The following SERPINB11 variants were observed in gnomAD, a reference collection of about 807,000 sequenced individuals.
SERPINB11 encodes the protein serpin B11.
In SERPINB11, 32 loss-of-function variants were observed where a neutral mutation model predicts 36.7. The observed-to-expected ratio is 0.87, with a 90% CI of 0.66 to 1.17. The LOEUF is 1.17. SERPINB11 is among the 50% of genes most tolerant of loss of function. SERPINB11 has a pLI of 0.00. For missense variants in SERPINB11, 528 were observed against 458.4 expected, an observed-to-expected ratio of 1.15 and a Z score of -1.39; for synonymous variants, 174 against 168.1, an observed-to-expected ratio of 1.04 and a Z score of -0.27.
At chr18:63,703,971 A>AAG (rs5825521) in intron 1 of SERPINB11, among the ~76,000 whole-genome samples, 18 of 148,188 alleles carry the variant, frequency 1.2e-4, no homozygotes, top group South Asian at 2.2e-4. Flanking sequence ...TTGCTTGAAG[A>AAG]TTTTTTTTTT....
At chr18:63,718,108 A>G (rs950063466) in intron 5 of SERPINB11, among the ~76,000 whole-genome samples, 2 of 152,080 alleles carry the variant, frequency 1.3e-5, no homozygotes, top group East Asian at 1.9e-4. Context: ...TTAGATGACC[A>G]TATGTGTGTG....
At chr18:63,711,493 T>C in intron 3 of SERPINB11, 99 bp downstream of exon 3, 1 of 877,526 alleles carries the variant, frequency 1.1e-6, no homozygotes, top group East Asian at 2.4e-5. Flanking sequence ...CTTTTGCCCA[T>C]GAGGGAACCA....
At chr18:63,708,802 T>C (rs1413224696) in intron 1 of SERPINB11, among the ~76,000 whole-genome samples, 3 of 152,210 alleles carry the variant, frequency 2.0e-5, no homozygotes, top group African/African-American at 7.2e-5. Context: ...ACCCAGGGTA[T>C]GACTGTTCAT....
chr18:63,705,345 T>C (rs941748855), intron 1 of SERPINB11: 6 of 152,176 alleles, frequency 3.9e-5, no homozygotes, highest in Non-Finnish European at 5.9e-5. Context: ...CCAAAGCTGA[T>C]GTTAAGTATT....
At position 63,710,323 on chromosome 18, in the gene SERPINB11, C is replaced by T; in HGVS notation, c.130C>T (p.Leu44Phe). The T allele has an allele frequency of 6.2e-7, 1 of 1,613,346 alleles. No individual in the cohort carries two copies. Among genetic ancestry groups the T allele is most frequent in the Non-Finnish European group, 8.5e-7 (1 of 1,179,564 alleles). ...SLLYALSMVLLGARGETEEQL... is the reference protein window; with the variant it reads ...SLLYALSMVLFGARGETEEQL... Reference sequence around the variant, plus strand: ...GCTTTATGCTCTAAGCATGGTCCTCCTTGGTGCCAGGGGAGAGACTGAAGA... The same window carrying T: ...GCTTTATGCTCTAAGCATGGTCCTCTTTGGTGCCAGGGGAGAGACTGAAGA... Residue 44 changes from leucine to phenylalanine, a missense_variant, in exon 2 of 8, where the codon CTT (leucine) becomes TTT (phenylalanine). Physicochemically the swap from Leu to Phe is conservative, Grantham distance 22. Coordinates refer to ENST00000544088, the MANE Select transcript of SERPINB11 (RefSeq NM_001370475.1).
chr18:63,720,816 T>C lies in SERPINB11; in HGVS notation c.619-15T>C. 1 of 1,535,614 alleles carries C rather than the reference T, an allele frequency of 6.5e-7. No individual in the cohort carries two copies. The highest frequency in any genetic ancestry group is 8.8e-7 in the Non-Finnish European group (1 of 1,135,106). ...CACATATGTAAGTATACTATAATCT[T>C]TTTCTTCTTAACAGGGTAAAAATGT... On this transcript the variant is annotated splice_polypyrimidine_tract_variant and intron_variant, in intron 6 of 7. Coordinates refer to ENST00000544088, the MANE Select transcript of SERPINB11 (RefSeq NM_001370475.1).
At chr18:63,720,500 T>G (rs1194075587) in intron 6 of SERPINB11, 8 of 334,048 alleles carry the variant, frequency 2.4e-5, no homozygotes, top group African/African-American at 1.3e-4. Flanking sequence ...AGAGAGTTTC[T>G]TGAGGAAAGA....
chr18:63,723,414 G>A lies in SERPINB11; in HGVS notation c.*15G>A. The A allele has an allele frequency of 6.3e-7, 1 of 1,581,638 alleles. No individual in the cohort carries two copies. The highest frequency in any genetic ancestry group is 8.6e-7 in the Non-Finnish European group (1 of 1,162,158). ...CCTCTCCCTAATCAGATGGGGTTGA[G>A]CAAGGCTCAGAGTTGCAGATGAGGT... On this transcript the variant is annotated 3_prime_UTR_variant, in exon 8 of 8. Coordinates refer to ENST00000544088, the MANE Select transcript of SERPINB11 (RefSeq NM_001370475.1).
At position 63,720,884 on chromosome 18, in the gene SERPINB11, CT is replaced by C. The variant is rs752521300; in HGVS notation, c.675del (p.Phe225LeufsTer2). ...ATCAAATTGGAACATTTAAACTGGC[CT>C]TTGTAAAGGAGCCGCAGATGCAAGT... The part of the protein sequence containing the change: ...MYQIGTFKLA[F>X]VKEPQMQVLE... On this transcript the variant is annotated frameshift_variant, in exon 7 of 8. Coordinates refer to ENST00000544088, the MANE Select transcript of SERPINB11 (RefSeq NM_001370475.1). LOFTEE classifies it high-confidence loss of function. 1 of 1,585,132 alleles carries C rather than the reference CT, an allele frequency of 6.3e-7. No individual in the cohort carries two copies. Among genetic ancestry groups the C allele is most frequent in the Admixed American group, 1.8e-5 (1 of 55,784 alleles).
chr18:63,722,866 A>G, intron 7 of SERPINB11, 129 bp from the exon 8 acceptor site: 1 of 886,698 alleles, frequency 1.1e-6, no homozygotes, highest in Non-Finnish European at 1.6e-6. Flanking sequence ...CCAGGTAAGT[A>G]GACTGTATTA....
At position 63,710,343 on chromosome 18, in the gene SERPINB11, T is replaced by A. The variant is rs182850837; in HGVS notation, c.150T>A (p.Thr50=). ...SMVLLGARGE[T]EEQLEKVLHF... is the part of the protein sequence containing the mutation. ...TCCTCCTTGGTGCCAGGGGAGAGAC[T>A]GAAGAGCAATTGGAGAAGGTATGGA... is the stretch of plus-strand genomic sequence containing the variant. The change falls in exon 2 of 8, where the codon ACT becomes ACA. Residue 50 remains threonine (T), a synonymous_variant. Coordinates refer to ENST00000544088, the MANE Select transcript of SERPINB11 (RefSeq NM_001370475.1). The A allele has an allele frequency of 1.2e-6, 2 of 1,612,688 alleles. No homozygotes were observed. Among genetic ancestry groups the A allele is most frequent in the African/African-American group, 1.3e-5 (1 of 74,972 alleles).
chr18:63,723,651 C>T lies in SERPINB11; in HGVS notation c.*252C>T. 1 of 409,646 alleles carries T rather than the reference C, an allele frequency of 2.4e-6. No homozygotes were observed. The highest frequency in any genetic ancestry group is 4.3e-6 in the Non-Finnish European group (1 of 231,852). 25.4% of individuals were successfully genotyped at this position (409,646 alleles called of 1,614,324 possible). On this transcript the variant is annotated 3_prime_UTR_variant, in exon 8 of 8. Coordinates refer to ENST00000544088, the MANE Select transcript of SERPINB11 (RefSeq NM_001370475.1). Reference sequence around the variant, plus strand: ...TTATCTGTGGTGTCTCATTTGAGTGCTGTCCAGTGACATGATCAAGTCAAT... The same window carrying T: ...TTATCTGTGGTGTCTCATTTGAGTGTTGTCCAGTGACATGATCAAGTCAAT...
chr18:63,702,530 G>T (rs540061895), upstream of SERPINB11, among the ~76,000 whole-genome samples: 61 of 152,286 alleles, frequency 4.0e-4, no homozygotes, highest in Middle Eastern at 3.4e-3. Context: ...GGCAGAGGTT[G>T]CAGTGAGCTG....
At position 63,720,123 on chromosome 18, in the gene SERPINB11, G is replaced by C. The variant is rs751789150; in HGVS notation, c.586G>C (p.Glu196Gln). 8.7e-6 allele frequency: 14 copies of C among 1,608,606 alleles called. No individual in the cohort carries two copies. The highest frequency in any genetic ancestry group is 1.2e-5 in the Non-Finnish European group (14 of 1,176,304). ...GQWQNKFQVRETVKSPFQLSE... is the reference protein window; with the variant it reads ...GQWQNKFQVRQTVKSPFQLSE... ...ATGGCAAAATAAATTTCAAGTAAGA[G>C]AGACAGTTAAAAGTCCTTTTCAGCT... Residue 196 changes from glutamate (E) to glutamine (Q), a missense_variant, in exon 6 of 8, where the codon GAG becomes CAG. Physicochemically the swap from Glu to Gln is conservative, Grantham distance 29. Transcript: ENST00000544088.
At chr18:63,716,281 G>A (rs765875139) in intron 5 of SERPINB11, 129 bp downstream of exon 5, 23 of 523,902 alleles carry the variant, frequency 4.4e-5, no homozygotes, top group Non-Finnish European at 7.0e-5. Flanking sequence ...AAGGAATGGG[G>A]CCATATTTTG....
At chr18:63,702,496 C>G (rs7241844), upstream of SERPINB11, 63,367 of 151,794 alleles carry the variant, frequency 0.42, 14,451 homozygotes, top group Non-Finnish European at 0.53. Flanking sequence ...GAGGCTGAGG[C>G]AGGAGAACTG....
intron 1 of SERPINB11, among the ~76,000 whole-genome samples, chr18:63,707,548 G>T (rs1052561610): frequency 6.6e-6 from 1 of 152,102 alleles, no homozygotes; most frequent in African/African-American, 2.4e-5. Flanking sequence ...CCTTCTGATA[G>T]GAGTGCTCTT....
chr18:63,721,729 G>A (rs1014456538), intron 7 of SERPINB11, among the ~76,000 whole-genome samples: 2 of 152,080 alleles, frequency 1.3e-5, no homozygotes, highest in East Asian at 1.9e-4. Flanking sequence ...TGTGTGTGTC[G>A]GGTGGTAGGG....
At chr18:63,704,880 T>C (rs114507661) in intron 1 of SERPINB11, among the ~76,000 whole-genome samples, 1,635 of 152,314 alleles carry the variant, frequency 0.011, 25 homozygotes, top group African/African-American at 0.037. Flanking sequence ...ATATTCATCA[T>C]GGCACTGTTT....
Sources: allele counts gnomAD v4.1 joint callset (sites outside exome capture counted in the v4.1 genomes callset), GRCh38; gene constraint gnomAD v4.1.1; transcripts MANE v1.5; gene names NCBI Gene and HGNC (gene_info 2026-07-23, HGNC 2026-07-21).